The following ZSCAN5A variants were observed in gnomAD, a reference collection of about 807,000 sequenced individuals.
ZSCAN5A encodes zinc finger and SCAN domain-containing protein 5A.
In ZSCAN5A, 12 loss-of-function variants were observed where a neutral mutation model predicts 23.7. The ratio of observed to expected loss-of-function variants is 0.51; its 90% confidence interval spans 0.32 to 0.82. The LOEUF (loss-of-function observed/expected upper bound fraction) is 0.82. ZSCAN5A is among the 40% of genes least tolerant of loss of function. The pLI, the probability that ZSCAN5A is intolerant of heterozygous loss-of-function variation, is 0.03. For missense variants in ZSCAN5A, 597 were observed against 617.9 expected (o/e 0.97, Z 0.36); for synonymous variants, 257 against 239.9 (o/e 1.07, Z -0.66).
intron 2 of ZSCAN5A, among the ~76,000 whole-genome samples, chr19:56,312,825 G>A (rs1430186555): frequency 6.6e-6 from 1 of 152,198 alleles, no homozygotes; most frequent in Non-Finnish European, 1.5e-5. Flanking sequence ...GTGTCCCCAT[G>A]TCCTCCTCTG....
intron 2 of ZSCAN5A, chr19:56,285,099 T>A: frequency 1.3e-6 from 1 of 780,436 alleles, no homozygotes; most frequent in African/African-American, 1.9e-5. Context: ...ATTGAGTCAT[T>A]TATGCTTTTA....
At chr19:56,275,855 T>C (rs939071457) in intron 2 of ZSCAN5A, among the ~76,000 whole-genome samples, 13 of 152,240 alleles carry the variant, frequency 8.5e-5, no homozygotes, top group African/African-American at 3.1e-4. Flanking sequence ...GCCCAGAGCA[T>C]GTACCATGTG....
At chr19:56,365,454 A>G (rs1320682107) in intron 1 of ZSCAN5A, among the ~76,000 whole-genome samples, 6 of 152,222 alleles carry the variant, frequency 3.9e-5, no homozygotes, top group African/African-American at 1.4e-4. Context: ...AAAAGGCTTA[A>G]GCAGCTAAAA....
intron 2 of ZSCAN5A, chr19:56,247,114 A>C: frequency 1.4e-6 from 1 of 694,824 alleles, no homozygotes; most frequent in Non-Finnish European, 2.6e-6. Context: ...AGCCATCCAC[A>C]TGAGATCACA....
At chr19:56,315,421 A>G (rs937570323), upstream of ZSCAN5A, 3 of 152,244 alleles carry the variant, frequency 2.0e-5, no homozygotes, top group Admixed American at 1.3e-4. Context: ...GAGGCCGAAA[A>G]TGCTGGCTCC....
At chr19:56,257,343 C>G (rs1013015333) in intron 2 of ZSCAN5A, among the ~76,000 whole-genome samples, 1 of 152,162 alleles carries the variant, frequency 6.6e-6, no homozygotes, top group African/African-American at 2.4e-5. Context: ...TGGAGATGAA[C>G]CCAAGGGCTG....
chr19:56,314,673 G>C lies in ZSCAN5A; in HGVS notation c.-230+8C>G, dbSNP rs1272386518. ...CCGCAAGGGCGGAAGGGAAGCTAAA[G>C]TCGTTACCATGGTGACCGCGACACA... On this transcript the variant is annotated splice_region_variant and intron_variant, in intron 1 of 5. Coordinates refer to ENST00000683990, the MANE Select transcript of ZSCAN5A (RefSeq NM_001322064.3). 6.6e-6 allele frequency: 1 copy of C among 152,120 alleles called. No individual in the cohort carries two copies. Among genetic ancestry groups the C allele is most frequent in the Non-Finnish European group, 1.5e-5 (1 of 68,052 alleles). The allele number at this position is 152,120 out of a possible 1,614,324, so 9.4% of individuals were successfully genotyped here. A position where few individuals can be genotyped will look rare whatever the true frequency, so the allele number is the denominator to read the frequency against.
At chr19:56,342,677 C>T (rs920032977) in intron 2 of ZSCAN5A, 17 of 584,262 alleles carry the variant, frequency 2.9e-5, no homozygotes, top group African/African-American at 1.1e-4. Flanking sequence ...GGAGTCCCCA[C>T]GGGTGAACAT....
At chr19:56,264,714 T>C (rs2037349703) in intron 2 of ZSCAN5A, among the ~76,000 whole-genome samples, 1 of 152,228 alleles carries the variant, frequency 6.6e-6, no homozygotes, top group Non-Finnish European at 1.5e-5. Flanking sequence ...CAAAGTTGAG[T>C]AATTGCGACA....
intron 2 of ZSCAN5A, among the ~76,000 whole-genome samples, chr19:56,344,904 C>G (rs867616170): frequency 1.1e-5 from 1 of 94,160 alleles, no homozygotes; most frequent in African/African-American, 4.9e-5. Flanking sequence ...AGCGAGACTC[C>G]GTCTCAAAAA....
intron 2 of ZSCAN5A, chr19:56,283,134 T>C (rs1304941927): frequency 6.6e-6 from 1 of 152,228 alleles, no homozygotes; most frequent in Non-Finnish European, 1.5e-5. Flanking sequence ...TAAGTGAACT[T>C]ACGGTTGCAA....
chr19:56,310,975 C>T (rs2041000792), intron 2 of ZSCAN5A, among the ~76,000 whole-genome samples: 1 of 152,190 alleles, frequency 6.6e-6, no homozygotes, highest in Non-Finnish European at 1.5e-5. Context: ...AGAACCATCA[C>T]TGGTTGGTTC....
At chr19:56,304,460 C>T (rs1349613457) in intron 2 of ZSCAN5A, among the ~76,000 whole-genome samples, 1 of 152,206 alleles carries the variant, frequency 6.6e-6, no homozygotes, top group African/African-American at 2.4e-5. Context: ...GGCCACTCAA[C>T]CTGCCATACG....
At chr19:56,324,860 A>G (rs982336873) in intron 2 of ZSCAN5A, among the ~76,000 whole-genome samples, 2 of 152,220 alleles carry the variant, frequency 1.3e-5, no homozygotes, top group Non-Finnish European at 2.9e-5. Flanking sequence ...GTCTATTTCA[A>G]TCTATTCCTA....
intron 2 of ZSCAN5A, among the ~76,000 whole-genome samples, chr19:56,293,624 A>G (rs1478329990): frequency 6.6e-6 from 1 of 152,194 alleles, no homozygotes; most frequent in South Asian, 2.1e-4. Flanking sequence ...TACAATGCAC[A>G]TAATAGTTCC....
At chr19:56,253,451 G>C (rs912007005) in intron 2 of ZSCAN5A, among the ~76,000 whole-genome samples, 1 of 152,126 alleles carries the variant, frequency 6.6e-6, no homozygotes. Flanking sequence ...CAGGATCATA[G>C]AACTTGTAAA....
chr19:56,242,285 T>A (rs1322242246), intron 2 of ZSCAN5A, among the ~76,000 whole-genome samples: 1 of 152,154 alleles, frequency 6.6e-6, no homozygotes, highest in Non-Finnish European at 1.5e-5. Context: ...TGATGATGAG[T>A]GATGACGAGC....
intron 1 of ZSCAN5A, among the ~76,000 whole-genome samples, chr19:56,365,303 G>A (rs2041757670): frequency 6.6e-6 from 1 of 152,176 alleles, no homozygotes; most frequent in Non-Finnish European, 1.5e-5. Context: ...GGTACATACT[G>A]GATTCTGGTG....
intron 1 of ZSCAN5A, among the ~76,000 whole-genome samples, chr19:56,366,656 C>T (rs1314473019): frequency 6.6e-6 from 1 of 152,164 alleles, no homozygotes; most frequent in Non-Finnish European, 1.5e-5. Context: ...CAAGTATTTT[C>T]TTTGCCTTGT....
Sources: allele counts gnomAD v4.1 joint callset (sites outside exome capture counted in the v4.1 genomes callset), GRCh38; gene constraint gnomAD v4.1.1; transcripts MANE v1.5; gene names NCBI Gene and HGNC (gene_info 2026-07-23, HGNC 2026-07-21).